GRB14: variants seen among roughly 807,000 people sequenced by gnomAD.
GRB14 encodes growth factor receptor-bound protein 14.
A neutral mutation model predicts 69.1 loss-of-function variants in GRB14; 38 were observed. The ratio of observed to expected loss-of-function variants is 0.55; its 90% CI spans 0.42 to 0.72. GRB14 has a LOEUF of 0.72. GRB14 is among the 30% of genes least tolerant of loss of function. The pLI is 0.00. For synonymous variants in GRB14, 247 were observed against 241.3 expected (o/e 1.02, Z -0.22); for missense variants, 666 against 666.1 (o/e 1.00, Z 0.00).
intron 9 of GRB14, among the ~76,000 whole-genome samples, chr2:164,499,919 T>C (rs963333467): frequency 6.6e-6 from 1 of 152,290 alleles, no homozygotes; most frequent in East Asian, 1.9e-4. Flanking sequence ...TTCTAGATTA[T>C]ACAACCATCA....
chr2:164,572,039 A>T (rs1689135737), intron 2 of GRB14, among the ~76,000 whole-genome samples: 1 of 152,224 alleles, frequency 6.6e-6, no homozygotes, highest in African/African-American at 2.4e-5. Flanking sequence ...TTTATTATGG[A>T]GAATTCAAAG....
At chr2:164,616,172 C>T (rs1344265437) in intron 2 of GRB14, among the ~76,000 whole-genome samples, 1 of 151,912 alleles carries the variant, frequency 6.6e-6, no homozygotes, top group African/African-American at 2.4e-5. Flanking sequence ...TGCCTGTAAT[C>T]CCAGCACTTT....
chr2:164,542,665 G>C lies in GRB14; in HGVS notation c.481+4995C>G, dbSNP rs532364924. ...TTCCTCCACATCACTAATCATCAGA[G>C]GAATGCAAATCAAAACCACAATGAG... On this transcript the variant is annotated intron_variant, in intron 3 of 13. Transcript: ENST00000263915. Among the ~76,000 whole-genome samples the C allele has an allele frequency of 2.6e-3, 388 of 152,134 alleles. 1 individual carries two copies. Among genetic ancestry groups the C allele is most frequent in the Middle Eastern group, 0.017 (5 of 292 alleles).
At chr2:164,556,387 G>A (rs1365082591) in intron 2 of GRB14, among the ~76,000 whole-genome samples, 5 of 152,154 alleles carry the variant, frequency 3.3e-5, no homozygotes, top group Non-Finnish European at 7.3e-5. Flanking sequence ...TTTTCCTTGA[G>A]CATGAACAGT....
chr2:164,595,665 T>C (rs921933647), intron 2 of GRB14, among the ~76,000 whole-genome samples: 16 of 152,178 alleles, frequency 1.1e-4, no homozygotes, highest in Non-Finnish European at 1.8e-4. Flanking sequence ...AAGATGTCCC[T>C]CAGCTATGAC....
intron 3 of GRB14, among the ~76,000 whole-genome samples, chr2:164,531,864 C>T (rs1033161810): frequency 1.3e-5 from 2 of 152,120 alleles, no homozygotes; most frequent in Admixed American, 6.5e-5. Flanking sequence ...TATACCCTGC[C>T]CTTAAATAGA....
intron 4 of GRB14, among the ~76,000 whole-genome samples, 190 bp downstream of exon 4, chr2:164,526,824 C>T (rs1311750793): frequency 6.6e-6 from 1 of 151,836 alleles, no homozygotes; most frequent in Non-Finnish European, 1.5e-5. Flanking sequence ...ACCTGTGTAT[C>T]TGAACTTCTG....
intron 2 of GRB14, among the ~76,000 whole-genome samples, chr2:164,619,429 C>G (rs1690389015): frequency 6.6e-6 from 1 of 152,160 alleles, no homozygotes; most frequent in South Asian, 2.1e-4. Flanking sequence ...TTGTTCTCAA[C>G]CACTGCACTT....
intron 8 of GRB14, among the ~76,000 whole-genome samples, chr2:164,505,960 G>C (rs997352147): frequency 6.6e-6 from 1 of 152,178 alleles, no homozygotes; most frequent in African/African-American, 2.4e-5. Flanking sequence ...ACCTGCTTCT[G>C]TTTTGGGTGT....
intron 2 of GRB14, among the ~76,000 whole-genome samples, chr2:164,568,087 C>A (rs372050205): frequency 6.6e-6 from 1 of 152,148 alleles, no homozygotes; most frequent in African/African-American, 2.4e-5. Flanking sequence ...CGAGATCAAA[C>A]TTCTTTTAGG....
chr2:164,531,777 C>T (rs1687945960), intron 3 of GRB14, among the ~76,000 whole-genome samples: 1 of 152,088 alleles, frequency 6.6e-6, no homozygotes, highest in African/African-American at 2.4e-5. Flanking sequence ...TGAACAGAAC[C>T]CTCTATGAGT....
At chr2:164,614,048 T>C (rs1690227871) in intron 2 of GRB14, among the ~76,000 whole-genome samples, 1 of 152,240 alleles carries the variant, frequency 6.6e-6, no homozygotes, top group Admixed American at 6.5e-5. Flanking sequence ...ATATTTTTAA[T>C]AAGCATCCCT....
chr2:164,531,018 C>T (rs1434115978), intron 3 of GRB14, among the ~76,000 whole-genome samples: 8 of 152,178 alleles, frequency 5.3e-5, no homozygotes, highest in Non-Finnish European at 2.9e-5. Flanking sequence ...AAAAAATACA[C>T]AGAATCTTGA....
intron 1 of GRB14, among the ~76,000 whole-genome samples, chr2:164,620,884 G>C (rs967972110): frequency 6.6e-6 from 1 of 152,240 alleles, no homozygotes; most frequent in African/African-American, 2.4e-5. Context: ...CCACCGATGG[G>C]CAGAGGCGAG....
chr2:164,537,917 T>G lies in GRB14; in HGVS notation c.481+9743A>C, dbSNP rs373178860. Among the ~76,000 whole-genome samples the G allele has an allele frequency of 3.3e-5, 5 of 152,138 alleles. No homozygotes were observed. In the South Asian group the frequency reaches 6.2e-4, roughly 19 times the overall value. On this transcript the variant is annotated intron_variant, in intron 3 of 13. Transcript: ENST00000263915. ...GCTGTGATGAGGGTGGTCACAACTC[T>G]GATGGCTGGTATGTTATAAACTGCA...
In GRB14 at chr2:164,567,343, C is replaced by T. The variant is rs116880374; in HGVS notation, c.325-19527G>A. On this transcript the variant is annotated intron_variant, in intron 2 of 13. Transcript: ENST00000263915. ...AATTAAAAATAGTAAAGAGGCACTTCGTTTTTAAAAACTATAGCCACTTTA... is the reference window on the plus strand; with the variant it reads ...AATTAAAAATAGTAAAGAGGCACTTTGTTTTTAAAAACTATAGCCACTTTA... Among the ~76,000 whole-genome samples the T allele has an allele frequency of 1.6e-3, 248 of 152,122 alleles. 6 individuals are homozygous for T. The East Asian group carries it at 0.038, about 24-fold the overall frequency.
At chr2:164,616,031 G>A (rs769593102) in intron 2 of GRB14, among the ~76,000 whole-genome samples, 6 of 152,166 alleles carry the variant, frequency 3.9e-5, no homozygotes, top group Non-Finnish European at 8.8e-5. Context: ...GACCATGTAT[G>A]TAAGGGAAGG....
chr2:164,512,155 A>ATTTG (rs748585297), intron 6 of GRB14, among the ~76,000 whole-genome samples: 7 of 151,976 alleles, frequency 4.6e-5, no homozygotes, highest in South Asian at 2.1e-4. Flanking sequence ...TTTTTTGTTT[A>ATTTG]TTTGTTTGTT....
chr2:164,621,252 A>G lies in GRB14; in HGVS notation c.58T>C (p.Ser20Pro), dbSNP rs776316918. The stretch of plus-strand genomic sequence containing the variant: ...CCACACACCTGGGCGGCCAGCGGCG[A>G]ATCCCGGGCAGCCGCCCTGCTCGCG... ...SAASRAAARD[S>P]PLAAQVCGAA... Residue 20 changes from serine (S) to proline (P), a missense_variant, in exon 1 of 14, where the codon TCG (serine) becomes CCG (proline). Ser to Pro is a moderately conservative substitution (Grantham distance 74). Transcript: ENST00000263915. This position sits in a 1 kb window ranked among gnomAD's most constrained non-coding sequence, Gnocchi z 6.0. The G allele has an allele frequency of 7.8e-7, 1 of 1,278,542 alleles. No homozygotes were observed. Among genetic ancestry groups the G allele is most frequent in the Non-Finnish European group, 9.9e-7 (1 of 1,011,766 alleles). The allele number at this position is 1,278,542 out of a possible 1,614,324, so 79.2% of individuals were successfully genotyped here. A position where few individuals can be genotyped will look rare whatever the true frequency, so the allele number is the denominator to read the frequency against.
Sources: allele counts gnomAD v4.1 joint callset (sites outside exome capture counted in the v4.1 genomes callset), GRCh38; gene constraint gnomAD v4.1.1; non-coding constraint Gnocchi (gnomAD v3.1); transcripts MANE v1.5; gene names NCBI Gene and HGNC (gene_info 2026-07-23, HGNC 2026-07-21).